Variants in METTL15 observed in about 807,000 individuals in gnomAD.
The protein encoded by METTL15 is methyltransferase 15, mitochondrial 12S rRNA N4-cytidine.
A neutral mutation model predicts 38.3 loss-of-function variants in METTL15; 34 were observed. The observed-to-expected ratio is 0.89, with a 90% confidence interval of 0.68 to 1.18. The LOEUF (loss-of-function observed/expected upper bound fraction) is 1.18, where lower values mean the gene tolerates loss of function less well. Among genes scored for constraint, METTL15 ranks in the 50% most tolerant of loss-of-function variants. The pLI, the probability that METTL15 is intolerant of heterozygous loss-of-function variation, is 0.00. For synonymous variants in METTL15, 162 were observed against 170.9 expected, an observed-to-expected ratio of 0.95 and a Z score of 0.41; for missense variants, 438 against 498.4, an observed-to-expected ratio of 0.88 and a Z score of 1.15.
intron 4 of METTL15, among the ~76,000 whole-genome samples, chr11:28,229,406 T>G (rs1853600261): frequency 6.6e-6 from 1 of 151,934 alleles, no homozygotes. Context: ...TTATAGACTT[T>G]CTCCCCTTGT....
In METTL15 at chr11:28,437,924, G is replaced by A. The variant is rs533939761; in HGVS notation, c.*424+13560G>A. ...TGAACCAAATTTCTACCAAACAAGGGCAGGGACTTTGTCTATCCTGTTTAT... is the reference window on the plus strand; with the variant it reads ...TGAACCAAATTTCTACCAAACAAGGACAGGGACTTTGTCTATCCTGTTTAT... On this transcript the variant is annotated intron_variant and NMD_transcript_variant, in intron 6 of 7. Transcript: ENST00000532947. Among the ~76,000 whole-genome samples, 4 of 152,310 alleles carry A rather than the reference G, an allele frequency of 2.6e-5. No individual in the cohort carries two copies. The South Asian group carries it at 8.3e-4, about 32-fold the overall frequency.
At chr11:28,241,863 T>C (rs1344115037) in intron 4 of METTL15, among the ~76,000 whole-genome samples, 2 of 152,178 alleles carry the variant, frequency 1.3e-5, no homozygotes, top group African/African-American at 4.8e-5. Context: ...AGAAGGCTAA[T>C]GGGTGTGCTC....
chr11:28,126,692 A>G (rs1852503731), intron 3 of METTL15, among the ~76,000 whole-genome samples: 2 of 152,142 alleles, frequency 1.3e-5, no homozygotes, highest in African/African-American at 4.8e-5. Flanking sequence ...TTAAGTTTCT[A>G]CTGTATATCA....
At chr11:28,431,792 A>T (rs1564929869) in intron 6 of METTL15, among the ~76,000 whole-genome samples, 33 of 38,058 alleles carry the variant, frequency 8.7e-4, no homozygotes, top group Non-Finnish European at 2.1e-3. Context: ...AATAAATTTA[A>T]AAAAAAAAAA....
intron 6 of METTL15, among the ~76,000 whole-genome samples, chr11:28,491,960 A>G (rs113741173): frequency 1.2e-4 from 18 of 152,138 alleles, no homozygotes; most frequent in Admixed American, 6.5e-5. Flanking sequence ...AGCACCTGGT[A>G]TCACTATTAG....
At chr11:28,416,030 A>G (rs756788163) in intron 5 of METTL15, among the ~76,000 whole-genome samples, 42 of 152,350 alleles carry the variant, frequency 2.8e-4, no homozygotes, top group South Asian at 1.2e-3. Context: ...TAAAATATTT[A>G]CTATTCTCCT....
intron 3 of METTL15, among the ~76,000 whole-genome samples, chr11:28,207,842 G>T (rs998717180): frequency 6.6e-6 from 1 of 152,134 alleles, no homozygotes; most frequent in African/African-American, 2.4e-5. Context: ...TCTTGGGAGG[G>T]TGTATGTGTC....
At chr11:28,203,324 A>G (rs953160918) in intron 3 of METTL15, among the ~76,000 whole-genome samples, 3 of 152,206 alleles carry the variant, frequency 2.0e-5, no homozygotes, top group South Asian at 4.1e-4. Flanking sequence ...ATACTAAATC[A>G]TATACAAAAT....
At chr11:28,208,946 T>C (rs1852498230) in intron 3 of METTL15, among the ~76,000 whole-genome samples, 1 of 151,996 alleles carries the variant, frequency 6.6e-6, no homozygotes, top group South Asian at 2.1e-4. Context: ...ACTCAGGACA[T>C]ATGATGGGTT....
At chr11:28,480,991 G>A (rs899339759) in intron 6 of METTL15, among the ~76,000 whole-genome samples, 2 of 152,144 alleles carry the variant, frequency 1.3e-5, no homozygotes, top group African/African-American at 4.8e-5. Flanking sequence ...AGAAGGTAAT[G>A]TTTAGGCAGG....
intron 3 of METTL15, among the ~76,000 whole-genome samples, chr11:28,171,102 C>T (rs1850841790): frequency 6.6e-6 from 1 of 152,184 alleles, no homozygotes; most frequent in African/African-American, 2.4e-5. Flanking sequence ...TGTTCTGTTC[C>T]ATCTTTGAGC....
chr11:28,381,325 T>C (rs184005216), intron 5 of METTL15, among the ~76,000 whole-genome samples: 9 of 152,260 alleles, frequency 5.9e-5, no homozygotes, highest in African/African-American at 2.2e-4. Context: ...GAGAGTTTTA[T>C]TATTATATGC....
At chr11:28,162,510 T>C (rs1850502554) in intron 3 of METTL15, among the ~76,000 whole-genome samples, 1 of 152,180 alleles carries the variant, frequency 6.6e-6, no homozygotes. Context: ...TTTTTATTTG[T>C]CCATTAGCTA....
chr11:28,403,824 G>T (rs1163026513), intron 5 of METTL15, among the ~76,000 whole-genome samples: 1 of 152,018 alleles, frequency 6.6e-6, no homozygotes, highest in Non-Finnish European at 1.5e-5. Context: ...CATTTTTCTT[G>T]CAAGTTTTCT....
chr11:28,226,549 C>G (rs1462840854), intron 4 of METTL15, among the ~76,000 whole-genome samples: 2 of 151,862 alleles, frequency 1.3e-5, no homozygotes, highest in East Asian at 3.9e-4. Flanking sequence ...CATTTTCCTT[C>G]TCTTTATTTT....
chr11:28,234,153 C>G (rs1034904690), intron 4 of METTL15, among the ~76,000 whole-genome samples: 3 of 152,154 alleles, frequency 2.0e-5, no homozygotes, highest in East Asian at 1.9e-4. Context: ...TTAATGGCAG[C>G]GTAGTATTCC....
At chr11:28,503,472 C>T (rs543476833) in intron 6 of METTL15, among the ~76,000 whole-genome samples, 2 of 152,268 alleles carry the variant, frequency 1.3e-5, no homozygotes, top group East Asian at 1.9e-4. Context: ...TTAAGTAACT[C>T]ATTTTACCCA....
At chr11:28,352,595 C>T (rs1396891989) in intron 4 of METTL15, among the ~76,000 whole-genome samples, 3 of 152,166 alleles carry the variant, frequency 2.0e-5, no homozygotes, top group Non-Finnish European at 4.4e-5. Flanking sequence ...CATTCCTCTT[C>T]CTCTTCCCAT....
intron 5 of METTL15, among the ~76,000 whole-genome samples, chr11:28,373,017 C>A (rs187617647): frequency 6.6e-6 from 1 of 151,930 alleles, no homozygotes; most frequent in East Asian, 1.9e-4. Flanking sequence ...TCCAGTCTAT[C>A]ATTATTGGAC....
Sources: allele counts gnomAD v4.1 joint callset (sites outside exome capture counted in the v4.1 genomes callset), GRCh38; gene constraint gnomAD v4.1.1; transcripts MANE v1.5; gene names NCBI Gene and HGNC (gene_info 2026-07-23, HGNC 2026-07-21).